The following UPF2 variants were observed in gnomAD, a reference collection of about 807,000 sequenced individuals.
The protein encoded by UPF2 is UPF2 regulator of nonsense mediated mRNA decay, also known as regulator of nonsense transcripts 2.
Under a neutral mutation model 141.4 loss-of-function variants are expected in UPF2, and 17 were observed. The observed-to-expected ratio is 0.12, with a 90% CI of 0.08 to 0.18. The LOEUF is 0.18. UPF2 is among the 10% of genes least tolerant of loss of function. The probability of loss-of-function intolerance (pLI) is 1.00; values close to 1 mark genes in which losing one functional copy is unlikely to be tolerated. For synonymous variants in UPF2, 540 were observed against 498.0 expected, an observed-to-expected ratio of 1.08 and a Z score of -1.12; for missense variants, 1,152 against 1,515.9, an observed-to-expected ratio of 0.76 and a Z score of 3.99.
rs144750590 is a variant in UPF2, at chr10:11,945,791, T to C, written c.3174+2578A>G. On this transcript the variant is annotated intron_variant, in intron 16 of 21. Transcript: ENST00000357604. ...TATCATATTTACCAACAATGCTGGA[T>C]TTATTAGATACTGCTCATGTAATTA... Among the ~76,000 whole-genome samples the C allele has an allele frequency of 5.7e-4, 87 of 152,316 alleles. 1 individual carries two copies. Among genetic ancestry groups the C allele is most frequent in the African/African-American group, 2.0e-3 (85 of 41,568 alleles).
At chr10:12,033,240 A>G (rs753211336) in intron 2 of UPF2, among the ~76,000 whole-genome samples, 16 of 152,128 alleles carry the variant, frequency 1.1e-4, no homozygotes, top group Admixed American at 3.3e-4. Flanking sequence ...ACCGTTTCCA[A>G]AAACGATTTT....
chr10:12,029,865 G>C (rs1463882945), intron 2 of UPF2, among the ~76,000 whole-genome samples: 3 of 151,774 alleles, frequency 2.0e-5, no homozygotes, highest in Non-Finnish European at 4.4e-5. Context: ...AGGAGGCTGA[G>C]GCACAACACT....
At chr10:11,938,123 T>C (rs1009873202) in intron 18 of UPF2, among the ~76,000 whole-genome samples, 1 of 152,188 alleles carries the variant, frequency 6.6e-6, no homozygotes, top group South Asian at 2.1e-4. Context: ...TTTTGGATTT[T>C]TTCTTGCATA....
At chr10:11,988,201 T>C (rs1350341444) in intron 8 of UPF2, among the ~76,000 whole-genome samples, 4 of 152,250 alleles carry the variant, frequency 2.6e-5, no homozygotes, top group Admixed American at 1.3e-4. Context: ...TAGGTATCCA[T>C]GAGGGACTGG....
chr10:12,012,796 CAA>C (rs753104549), intron 4 of UPF2, among the ~76,000 whole-genome samples: 61 of 63,598 alleles, frequency 9.6e-4, no homozygotes, highest in Non-Finnish European at 9.8e-4. Context: ...AAGACTCCGC[CAA>C]AAAAAAAAAA....
intron 5 of UPF2, among the ~76,000 whole-genome samples, chr10:12,003,280 C>T (rs535666033): frequency 3.3e-5 from 5 of 152,272 alleles, no homozygotes; most frequent in African/African-American, 7.2e-5. Flanking sequence ...TTCAGAATGA[C>T]GCTAAGCTGT....
chr10:11,984,385 T>G (rs1271988141), intron 8 of UPF2, among the ~76,000 whole-genome samples: 3 of 152,232 alleles, frequency 2.0e-5, no homozygotes, highest in Admixed American at 6.5e-5. Flanking sequence ...TTTCTTAAAC[T>G]TTTTAATGTT....
chr10:11,972,465 G>GT (rs1833435849), intron 9 of UPF2, among the ~76,000 whole-genome samples: 2 of 152,276 alleles, frequency 1.3e-5, no homozygotes, highest in South Asian at 4.2e-4. Context: ...CATGTGCCAT[G>GT]TTGGTGTGCT....
chr10:11,972,819 T>C (rs1260640138), intron 9 of UPF2, among the ~76,000 whole-genome samples: 1 of 152,210 alleles, frequency 6.6e-6, no homozygotes, highest in Non-Finnish European at 1.5e-5. Flanking sequence ...GTCTTTGCTT[T>C]TGTGAATAGT....
At chr10:11,988,899 G>A (rs975342838) in intron 8 of UPF2, among the ~76,000 whole-genome samples, 2 of 152,154 alleles carry the variant, frequency 1.3e-5, no homozygotes, top group East Asian at 1.9e-4. Context: ...ATGGGGTCTG[G>A]AAGAATCAGA....
chr10:11,969,236 C>CA (rs1054989132), intron 9 of UPF2, among the ~76,000 whole-genome samples: 28 of 151,654 alleles, frequency 1.8e-4, no homozygotes, highest in African/African-American at 6.5e-4. Flanking sequence ...GGCGCGATCT[C>CA]AGACCACTGC....
At chr10:11,986,164 G>A (rs576011564) in intron 8 of UPF2, among the ~76,000 whole-genome samples, 11 of 152,102 alleles carry the variant, frequency 7.2e-5, no homozygotes, top group South Asian at 4.2e-4. Context: ...GATTACAGGC[G>A]TGAACCACCG....
At chr10:11,943,972 C>T (rs940241333) in intron 16 of UPF2, among the ~76,000 whole-genome samples, 11 of 149,742 alleles carry the variant, frequency 7.3e-5, no homozygotes, top group Admixed American at 2.0e-4. Flanking sequence ...AAGTCACCCC[C>T]GCATGGTTCC....
chr10:11,944,990 T>C (rs2131174359), intron 16 of UPF2, among the ~76,000 whole-genome samples: 1 of 152,322 alleles, frequency 6.6e-6, no homozygotes, highest in African/African-American at 2.4e-5. Context: ...TCCCACCTAC[T>C]GCAAGGGTAG....
Position 11,997,777 on chromosome 10 carries a change from T to A in UPF2, c.1759-20A>T. The A allele has an allele frequency of 6.2e-7, 1 of 1,611,138 alleles. No individual in the cohort carries two copies. The highest frequency in any genetic ancestry group is 8.5e-7 in the Non-Finnish European group (1 of 1,177,662). ...TGCTGCCTATTGGGAAAAAGTAAACTTTTTCTTTAAAAACCTCTAATTAGT... is the reference window on the plus strand; with the variant it reads ...TGCTGCCTATTGGGAAAAAGTAAACATTTTCTTTAAAAACCTCTAATTAGT... On this transcript the variant is annotated intron_variant, in intron 7 of 21. Coordinates refer to ENST00000357604, the MANE Select transcript of UPF2 (RefSeq NM_015542.4).
chr10:11,989,245 A>G (rs1348366342), intron 8 of UPF2, among the ~76,000 whole-genome samples: 1 of 152,234 alleles, frequency 6.6e-6, no homozygotes, highest in African/African-American at 2.4e-5. Flanking sequence ...ACTACACAGA[A>G]TACTATTAAC....
chr10:12,037,123 C>T (rs984910698), intron 1 of UPF2, among the ~76,000 whole-genome samples: 8 of 152,136 alleles, frequency 5.3e-5, no homozygotes, highest in Admixed American at 1.3e-4. Context: ...CTCACTTTGT[C>T]GCCCAGGCTG....
rs1384517663 is a variant in UPF2 at position 11,940,857 on chromosome 10, CT to C, written c.3378+1807del. Among the ~76,000 whole-genome samples the C allele has an allele frequency of 7.9e-5, 12 of 152,124 alleles. No homozygotes were observed. The highest frequency in any genetic ancestry group is 2.0e-4 in the Admixed American group (3 of 15,264). On this transcript the variant is annotated intron_variant, in intron 18 of 21. Transcript: ENST00000357604. This position sits in a 1 kb window ranked among gnomAD's most constrained non-coding sequence, Gnocchi z 4.2. ...CCCGCCCTCTATTAGTGCTGGCCGC[CT>C]TTTAGTTTTTTAAATACAGGTTCTT...
At chr10:12,026,547 A>G in intron 3 of UPF2, 2 of 428,064 alleles carry the variant, frequency 4.7e-6, no homozygotes, top group South Asian at 3.4e-5. Flanking sequence ...GGTATTCCTC[A>G]AACCATCTGT....
Sources: gnomAD v4.1 joint callset for allele counts (sites outside exome capture counted in the v4.1 genomes callset) on GRCh38, gnomAD v4.1.1 for gene constraint, Gnocchi (gnomAD v3.1) non-coding constraint, MANE v1.5 for transcripts, NCBI Gene and HGNC (gene_info 2026-07-23, HGNC 2026-07-21) for gene names.